KRT16: variants seen among roughly 807,000 people sequenced by gnomAD.
KRT16 encodes keratin, type I cytoskeletal 16.
Under a neutral mutation model 44.8 loss-of-function variants are expected in KRT16, and 42 were observed. The ratio of observed to expected loss-of-function variants is 0.94; its 90% CI spans 0.73 to 1.21. The LOEUF (loss-of-function observed/expected upper bound fraction) is 1.21. KRT16 is among the 50% of genes most tolerant of loss of function. The pLI, the probability that KRT16 is intolerant of heterozygous loss-of-function variation, is 0.00. For missense variants in KRT16, 561 were observed against 626.9 expected (o/e 0.89, Z 1.12); for synonymous variants, 226 against 260.4 (o/e 0.87, Z 1.27).
chr17:41,611,724 G>A lies in KRT16; in HGVS notation c.532-3C>T. The A allele has an allele frequency of 6.2e-7, 1 of 1,609,232 alleles. No individual in the cohort carries two copies. The highest frequency in any genetic ancestry group is 2.2e-5 in the East Asian group (1 of 44,830). On this transcript the variant is annotated splice_region_variant and splice_polypyrimidine_tract_variant and intron_variant, in intron 1 of 7. Transcript: ENST00000301653. ...TTCTCAATGGTGGCCGCAATGATCT[G>A]GAGTGGGGATGGAGGACAGGAGCCC...
At position 41,610,193 on chromosome 17, in the gene KRT16, C is replaced by A. The variant is rs774567335; in HGVS notation, c.1324G>T (p.Glu442Ter). ...CGGGGAGCCTCAGAAGCCTTACCCT[C>A]GCGGGAAGAATAGGATTGGCCAGAT... ...QASGQSYSSREVFTSSSSSSS... is the reference protein window; with the variant it reads ...QASGQSYSSR The change falls in exon 7 of 8, where the codon GAG (glutamate) becomes TAG (stop). Residue 442 changes from glutamate (E) to a stop codon, truncating the protein, a stop_gained. Transcript: ENST00000301653. LOFTEE classifies it high-confidence loss of function. 12 of 1,613,910 alleles carry A rather than the reference C, an allele frequency of 7.4e-6. No homozygotes were observed. The highest frequency in any genetic ancestry group is 3.3e-4 in the Middle Eastern group (2 of 6,042).
Position 41,610,949 on chromosome 17 carries a change from T to C in KRT16, c.964A>G (p.Asn322Asp). 6.2e-7 allele frequency: 1 copy of C among 1,614,192 alleles called. No individual in the cohort carries two copies. Among genetic ancestry groups the C allele is most frequent in the Non-Finnish European group, 8.5e-7 (1 of 1,180,028 alleles). Residue 322 changes from asparagine to aspartate, a missense_variant, in exon 5 of 8, where the codon AAC (asparagine) becomes GAC (aspartate). By Grantham distance (23) the Asn-to-Asp change is conservative (BLOSUM62 1). Coordinates refer to ENST00000301653, the MANE Select transcript of KRT16 (RefSeq NM_005557.4). ...TEELNKEVASNSELVQSSRSE... is the reference protein window; with the variant it reads ...TEELNKEVASDSELVQSSRSE... ...CGGCTGCTCTGTACCAGTTCGCTGT[T>C]GGAGGCCACTTCTTTGTTCAGCTCC...
Position 41,610,447 on chromosome 17 carries a change from C to A in KRT16, c.1164G>T (p.Gln388His). ...LIGSVEEQLA[Q>H]LRCEMEQQSQ... ...TCTGCTGCTCCATCTCACAGCGTAG[C>A]TGGGCCAGCTGCTCCTCCACACTGC... Residue 388 changes from glutamine (Q) to histidine (H), a missense_variant, in exon 6 of 8, where the codon CAG becomes CAT. Physicochemically the swap from Gln to His is conservative, Grantham distance 24. Coordinates refer to ENST00000301653, the MANE Select transcript of KRT16 (RefSeq NM_005557.4). 6.2e-7 allele frequency: 1 copy of A among 1,612,188 alleles called. No homozygotes were observed. Among genetic ancestry groups the A allele is most frequent in the Non-Finnish European group, 8.5e-7 (1 of 1,179,870 alleles).
chr17:41,610,773 G>A (rs1013911461), intron 5 of KRT16, 81 bp downstream of exon 5: 7 of 1,601,716 alleles, frequency 4.4e-6, no homozygotes, highest in Non-Finnish European at 6.0e-6. Flanking sequence ...AAAGAAAGGT[G>A]GAACTAGACT....
chr17:41,611,388 C>A lies in KRT16; in HGVS notation c.728G>T (p.Gly243Val). 2 of 1,614,250 alleles carry A rather than the reference C, an allele frequency of 1.2e-6. No homozygotes were observed. The highest frequency in any genetic ancestry group is 1.7e-6 in the Non-Finnish European group (2 of 1,180,044). The change falls in exon 3 of 8, where the codon GGC becomes GTC. Residue 243 changes from glycine to valine, a missense_variant. Transcript: ENST00000301653. ...ARTDLEMQIEGLKEELAYLRK... is the reference protein window; with the variant it reads ...ARTDLEMQIEVLKEELAYLRK... ...CAGGTAGGCCAGCTCCTCCTTCAGG[C>A]CTTCGATCTGCATCTCCAGGTCAGT... is the stretch of plus-strand genomic sequence containing the variant.
chr17:41,610,693 C>G, intron 5 of KRT16, 142 bp from the exon 6 acceptor site: 1 of 1,461,338 alleles, frequency 6.8e-7, no homozygotes, highest in South Asian at 1.1e-5. Flanking sequence ...GAAAAGCTAG[C>G]CCACTATTCT....
Position 41,610,480 on chromosome 17 carries a change from T to A in KRT16, c.1131A>T (p.Gly377=), listed in dbSNP as rs1359329759. Residue 377 remains glycine (G), a synonymous_variant, in exon 6 of 8, where the codon GGA becomes GGT. Transcript: ENST00000301653. ...RYCMQLSQIQ[G]LIGSVEEQLA... is the part of the protein sequence containing the mutation. ...GCTGCTCCTCCACACTGCCAATCAG[T>A]CCCTGGATCTGGGACAGCTGCATGC... 6 of 1,612,002 alleles carry A rather than the reference T, an allele frequency of 3.7e-6. No individual in the cohort carries two copies. Among genetic ancestry groups the A allele is most frequent in the Non-Finnish European group, 5.1e-6 (6 of 1,179,854 alleles).
Position 41,611,362 on chromosome 17 carries a change from T to A in KRT16, c.754A>T (p.Arg252Trp), listed in dbSNP as rs1908190886. Residue 252 changes from arginine to tryptophan, a missense_variant, in exon 3 of 8, where the codon AGG becomes TGG. Physicochemically the swap from Arg to Trp is moderately radical, Grantham distance 101. Coordinates refer to ENST00000301653, the MANE Select transcript of KRT16 (RefSeq NM_005557.4). ...EGLKEELAYL[R>W]KNHEEEMLAL... ...GACCGTACCTCCTCGTGGTTCTTCCTCAGGTAGGCCAGCTCCTCCTTCAGG... is the reference window on the plus strand; with the variant it reads ...GACCGTACCTCCTCGTGGTTCTTCCACAGGTAGGCCAGCTCCTCCTTCAGG... The A allele has an allele frequency of 1.5e-5, 24 of 1,613,992 alleles. No homozygotes were observed. The highest frequency in any genetic ancestry group is 1.9e-5 in the Non-Finnish European group (23 of 1,180,004).
chr17:41,612,469 T>A lies in KRT16; in HGVS notation c.220A>T (p.Ser74Cys). 6.2e-7 allele frequency: 1 copy of A among 1,610,582 alleles called. No individual in the cohort carries two copies. The highest frequency in any genetic ancestry group is 8.5e-7 in the Non-Finnish European group (1 of 1,178,396). The part of the protein sequence containing the change: ...LGGGYGGGFS[S>C]SSSFGSGFGG... Reference sequence around the variant, plus strand: ...AAGCCACTACCAAAGCTGCTGCTGCTGCTGAAGCCACCGCCATAGCCGCCC... The same window carrying A: ...AAGCCACTACCAAAGCTGCTGCTGCAGCTGAAGCCACCGCCATAGCCGCCC... The change falls in exon 1 of 8, where the codon AGC becomes TGC. Residue 74 changes from serine (S) to cysteine (C), a missense_variant. Transcript: ENST00000301653.
chr17:41,610,800 G>T, intron 5 of KRT16, 54 bp downstream of exon 5: 6 of 1,611,770 alleles, frequency 3.7e-6, no homozygotes, highest in South Asian at 2.2e-5. Flanking sequence ...TTTTGAGGGG[G>T]TGGTGGCCAT....
At position 41,612,482 on chromosome 17, in the gene KRT16, G is replaced by A. The variant is rs112223718; in HGVS notation, c.207C>T (p.Gly69=). Residue 69 remains glycine (G), a synonymous_variant, in exon 1 of 8, where the codon GGC becomes GGT. Coordinates refer to ENST00000301653, the MANE Select transcript of KRT16 (RefSeq NM_005557.4). ...GGACGLGGGY[G]GGFSSSSSFG... is the part of the protein sequence containing the mutation. The stretch of plus-strand genomic sequence containing the variant: ...AGCTGCTGCTGCTGCTGAAGCCACC[G>A]CCATAGCCGCCCCCCAGCCCGCAGG... The A allele has an allele frequency of 5.6e-4, 897 of 1,609,184 alleles. No homozygotes were observed. Among genetic ancestry groups the A allele is most frequent in the African/African-American group, 1.6e-3 (120 of 74,876 alleles).
rs1269680204 is a variant in KRT16 at position 41,612,152 on chromosome 17, A to G, written c.531+6T>C. Reference sequence around the variant, plus strand: ...TCTCAGTGCTCCATACACCAAAGTCACCCACCTTGTTCCTCAGGTCCTCGA... The same window carrying G: ...TCTCAGTGCTCCATACACCAAAGTCGCCCACCTTGTTCCTCAGGTCCTCGA... On this transcript the variant is annotated splice_donor_region_variant and intron_variant, in intron 1 of 7. Coordinates refer to ENST00000301653, the MANE Select transcript of KRT16 (RefSeq NM_005557.4). 6.2e-7 allele frequency: 1 copy of G among 1,611,954 alleles called. No homozygotes were observed. The highest frequency in any genetic ancestry group is 8.5e-7 in the Non-Finnish European group (1 of 1,179,844).
intron 7 of KRT16, 78 bp downstream of exon 7, chr17:41,610,112 C>T (rs562360611): frequency 1.3e-6 from 2 of 1,596,042 alleles, no homozygotes; most frequent in African/African-American, 2.7e-5. Context: ...GCTGGGAGCT[C>T]TGAGGAGAAG....
chr17:41,610,674 C>A, intron 5 of KRT16, 123 bp from the exon 6 acceptor site: 1 of 1,467,734 alleles, frequency 6.8e-7, no homozygotes, highest in Non-Finnish European at 9.5e-7. Context: ...ATGGGCCAGA[C>A]AATATGGAGA....
intron 1 of KRT16, 57 bp from the exon 2 acceptor site, chr17:41,611,778 C>A (rs1485622918): frequency 2.0e-6 from 3 of 1,512,958 alleles, no homozygotes; most frequent in South Asian, 2.3e-5. Context: ...ACTACTTGAG[C>A]ATGAAAGGCA....
rs780008337 is a variant in KRT16, at chr17:41,612,254, C to T, written c.435G>A (p.Leu145=). The T allele has an allele frequency of 1.1e-5, 18 of 1,613,858 alleles. No homozygotes were observed. The South Asian group carries it at 1.6e-4, about 15-fold the overall frequency. The change falls in exon 1 of 8, where the codon CTG becomes CTA. Residue 145 remains leucine (L), a synonymous_variant. Transcript: ENST00000301653. ...GGTACCAGTCACGGATCTTCACTTCCAGGTCGGCGTTGGCCTCCTCCAGAG... is the reference window on the plus strand; with the variant it reads ...GGTACCAGTCACGGATCTTCACTTCTAGGTCGGCGTTGGCCTCCTCCAGAG... ...VRALEEANAD[L]EVKIRDWYQR...
intron 7 of KRT16, 23 bp from the exon 8 acceptor site, chr17:41,610,052 TGA>T (rs750623299): frequency 7.4e-5 from 117 of 1,585,096 alleles, no homozygotes; most frequent in Middle Eastern, 2.2e-4. Context: ...GAAGAGGAGG[TGA>T]GAAGGGGTCT....
chr17:41,611,875 G>C (rs151173708), intron 1 of KRT16, 154 bp from the exon 2 acceptor site: 3 of 821,172 alleles, frequency 3.7e-6, no homozygotes, highest in Admixed American at 2.0e-5. Context: ...AGGCTACGTA[G>C]GGATGCACTC....
chr17:41,612,142 C>T lies in KRT16; in HGVS notation c.531+16G>A, dbSNP rs763845040. The stretch of plus-strand genomic sequence containing the variant: ...CCCCAGCCTCTCTCAGTGCTCCATA[C>T]ACCAAAGTCACCCACCTTGTTCCTC... On this transcript the variant is annotated intron_variant, in intron 1 of 7. Coordinates refer to ENST00000301653, the MANE Select transcript of KRT16 (RefSeq NM_005557.4). 5.0e-6 allele frequency: 8 copies of T among 1,611,930 alleles called. No homozygotes were observed. In the East Asian group the frequency reaches 1.8e-4, roughly 36 times the overall value.
Sources: allele counts gnomAD v4.1 joint callset, GRCh38; gene constraint gnomAD v4.1.1; transcripts MANE v1.5; gene names NCBI Gene and HGNC (gene_info 2026-07-23, HGNC 2026-07-21).